The following CNIH3 variants were observed in gnomAD, a reference collection of about 807,000 sequenced individuals.
CNIH3 encodes protein cornichon homolog 3.
In CNIH3, 14 loss-of-function variants were observed where a neutral mutation model predicts 24.1. That is an observed-to-expected ratio of 0.58 (90% CI 0.38 to 0.91). CNIH3 has a LOEUF of 0.91. Among genes scored for constraint, CNIH3 ranks in the 40% least tolerant of loss-of-function variants. CNIH3 has a pLI of 0.00. For missense variants in CNIH3, 178 were observed against 196.8 expected, an observed-to-expected ratio of 0.90 and a Z score of 0.57; for synonymous variants, 68 against 73.8, an observed-to-expected ratio of 0.92 and a Z score of 0.40.
chr1:224,691,952 C>G (rs1686953229), intron 3 of CNIH3, among the ~76,000 whole-genome samples: 1 of 152,096 alleles, frequency 6.6e-6, no homozygotes, highest in Admixed American at 6.6e-5. Context: ...ATTTATAAAC[C>G]AGAACTTAGA....
chr1:224,536,101 G>A (rs1269991668), intron 2 of CNIH3, among the ~76,000 whole-genome samples: 7 of 152,050 alleles, frequency 4.6e-5, no homozygotes, highest in Non-Finnish European at 1.0e-4. Flanking sequence ...GATGAGGATG[G>A]GAAATGTGTC....
At chr1:224,543,736 C>T (rs1250541974) in intron 2 of CNIH3, among the ~76,000 whole-genome samples, 1 of 152,212 alleles carries the variant, frequency 6.6e-6, no homozygotes, top group African/African-American at 2.4e-5. Flanking sequence ...CCTCTACTCT[C>T]CTCCATATGC....
intron 3 of CNIH3, among the ~76,000 whole-genome samples, chr1:224,692,250 G>A (rs75988641): frequency 0.02 from 3,115 of 152,294 alleles, 75 homozygotes; most frequent in African/African-American, 0.055. Context: ...AGGCTGCGGT[G>A]AGCCAAGGTC....
intron 1 of CNIH3, among the ~76,000 whole-genome samples, chr1:224,510,613 A>AAAC (rs1553260217): frequency 5.2e-5 from 7 of 133,706 alleles, no homozygotes; most frequent in African/African-American, 2.3e-4. Flanking sequence ...AAAAAACAAA[A>AAAC]AAAAAACAAA....
At chr1:224,570,080 G>C (rs1440605699) in intron 4 of CNIH3, among the ~76,000 whole-genome samples, 1 of 152,080 alleles carries the variant, frequency 6.6e-6, no homozygotes, top group East Asian at 1.9e-4. Flanking sequence ...CACTGCACCC[G>C]GCAAAGCATA....
intron 1 of CNIH3, among the ~76,000 whole-genome samples, chr1:224,520,159 G>A (rs1437627057): frequency 6.6e-6 from 1 of 152,110 alleles, no homozygotes; most frequent in Non-Finnish European, 1.5e-5. Context: ...ACCATGGCTT[G>A]GAAATGAAGG....
intron 1 of CNIH3, among the ~76,000 whole-genome samples, chr1:224,439,346 C>T (rs1485010419): frequency 6.6e-6 from 1 of 152,172 alleles, no homozygotes; most frequent in Admixed American, 6.5e-5. Flanking sequence ...TCACCTTCCT[C>T]TAGGTGGAAA....
At chr1:224,595,243 A>C (rs2125034083) in intron 3 of CNIH3, among the ~76,000 whole-genome samples, 1 of 152,264 alleles carries the variant, frequency 6.6e-6, no homozygotes, top group South Asian at 2.1e-4. Context: ...TCAGAGTCTC[A>C]CTATGTCACC....
chr1:224,712,931 G>A (rs1221511743), intron 3 of CNIH3, among the ~76,000 whole-genome samples: 1 of 152,174 alleles, frequency 6.6e-6, no homozygotes, highest in Admixed American at 6.5e-5. Context: ...ACTCCAGAGA[G>A]CATTATCCTA....
chr1:224,525,270 TG>T (rs745999444), intron 2 of CNIH3, among the ~76,000 whole-genome samples: 1 of 152,252 alleles, frequency 6.6e-6, no homozygotes, highest in Non-Finnish European at 1.5e-5. Context: ...TTTGGTGTCA[TG>T]CAACTTTTAA....
At chr1:224,718,359 G>A (rs1351002660) in intron 3 of CNIH3, among the ~76,000 whole-genome samples, 1 of 152,182 alleles carries the variant, frequency 6.6e-6, no homozygotes, top group Non-Finnish European at 1.5e-5. Context: ...GACATGCTGG[G>A]TTTGAGGAAC....
intron 5 of CNIH3, among the ~76,000 whole-genome samples, chr1:224,585,944 C>T (rs959090589): frequency 6.6e-6 from 1 of 152,218 alleles, no homozygotes; most frequent in Non-Finnish European, 1.5e-5. Flanking sequence ...GAAAGCCATA[C>T]TTCGTTGAAA....
At chr1:224,612,080 T>C (rs1388495735), upstream of CNIH3, among the ~76,000 whole-genome samples, 1 of 152,190 alleles carries the variant, frequency 6.6e-6, no homozygotes, top group Non-Finnish European at 1.5e-5. This position sits in a 1 kb window ranked among gnomAD's most constrained non-coding sequence, Gnocchi z 4.7. Context: ...GGATAATGGA[T>C]TCCATTTTTA....
chr1:224,468,066 CAGTACTCT>C (rs1418731894), intron 1 of CNIH3, among the ~76,000 whole-genome samples: 1 of 151,988 alleles, frequency 6.6e-6, no homozygotes, highest in African/African-American at 2.4e-5. Flanking sequence ...ATTCTTCCAC[CAGTACTCT>C]ACTGTCTTGA....
At chr1:224,469,266 G>A (rs550523664) in intron 1 of CNIH3, among the ~76,000 whole-genome samples, 1 of 152,026 alleles carries the variant, frequency 6.6e-6, no homozygotes, top group South Asian at 2.1e-4. Flanking sequence ...TTTTTTTGTA[G>A]AGACAGGATT....
intron 3 of CNIH3, among the ~76,000 whole-genome samples, chr1:224,716,051 C>T (rs2125212074): frequency 6.6e-6 from 1 of 152,268 alleles, no homozygotes; most frequent in South Asian, 2.1e-4. Context: ...AATGCTCATA[C>T]TCACCCTCTC....
At chr1:224,716,801 C>T (rs1353749441) in intron 3 of CNIH3, among the ~76,000 whole-genome samples, 2 of 152,088 alleles carry the variant, frequency 1.3e-5, no homozygotes, top group Non-Finnish European at 2.9e-5. Context: ...TTGCTGTGGT[C>T]ACCTAGGGAG....
At chr1:224,736,482 G>GTTA (rs1689598371) in intron 5 of CNIH3, among the ~76,000 whole-genome samples, 7 of 152,208 alleles carry the variant, frequency 4.6e-5, no homozygotes, top group African/African-American at 1.7e-4. Flanking sequence ...TCAAAGTGTG[G>GTTA]GGTAAGGAAG....
At chr1:224,600,423 C>T (rs1340421199) in intron 3 of CNIH3, among the ~76,000 whole-genome samples, 1 of 152,164 alleles carries the variant, frequency 6.6e-6, no homozygotes, top group Non-Finnish European at 1.5e-5. Context: ...AACTCCCAAC[C>T]TCAGGTGACC....
Sources: allele counts gnomAD v4.1 joint callset (sites outside exome capture counted in the v4.1 genomes callset), GRCh38; gene constraint gnomAD v4.1.1; non-coding constraint Gnocchi (gnomAD v3.1); transcripts MANE v1.5; gene names NCBI Gene and HGNC (gene_info 2026-07-23, HGNC 2026-07-21).